Variants in OAT observed in about 807,000 individuals in gnomAD.
OAT encodes the protein ornithine aminotransferase, mitochondrial.
Under a neutral mutation model 48.4 loss-of-function variants are expected in OAT, and 35 were observed. The observed-to-expected ratio is 0.72, with a 90% CI of 0.55 to 0.96. OAT has a LOEUF of 0.96. Ranked by LOEUF, OAT falls within the 40% of genes least tolerant of loss-of-function variation. The pLI is 0.00. For synonymous variants in OAT, 182 were observed against 198.4 expected (o/e 0.92, Z 0.70); for missense variants, 438 against 537.9 (o/e 0.81, Z 1.84).
chr10:124,401,087 T>G lies in OAT; in HGVS notation c.1015-103A>C, dbSNP rs2459215. ...ACAGGAAAAACATGACTAGATAAAA[T>G]ACCAGAGGAACTTAACTTTCATTGC... On this transcript the variant is annotated intron_variant, in intron 8 of 9. Coordinates refer to ENST00000368845, the MANE Select transcript of OAT (RefSeq NM_000274.4). 653,496 of 768,146 alleles carry G rather than the reference T, an allele frequency of 0.85. 278,887 individuals are homozygous for G. The highest frequency in any genetic ancestry group is 0.96 in the East Asian group (35,158 of 36,796). The allele number at this position is 768,146 out of a possible 1,614,324, so 47.6% of individuals were successfully genotyped here. A position where few individuals can be genotyped will look rare whatever the true frequency, so the allele number is the denominator to read the frequency against.
intron 6 of OAT, chr10:124,403,269 C>T: frequency 3.3e-6 from 2 of 613,496 alleles, no homozygotes; most frequent in Non-Finnish European, 5.8e-6. Context: ...GCCACTATCT[C>T]CCTAGAGGCC....
chr10:124,400,923 T>A lies in OAT; in HGVS notation c.1076A>T (p.Glu359Val), dbSNP rs1484207367. Residue 359 changes from glutamate (E) to valine (V), a missense_variant, in exon 9 of 10, where the codon GAA becomes GTA. Transcript: ENST00000368845. ...ADKLGIILRNELMKLPSDVVT... is the reference protein window; with the variant it reads ...ADKLGIILRNVLMKLPSDVVT... Reference sequence around the variant, plus strand: ...AACATCAGAAGGTAGCTTCATGAGTTCATTTCTCAAGATAATGCCCAATTT... The same window carrying A: ...AACATCAGAAGGTAGCTTCATGAGTACATTTCTCAAGATAATGCCCAATTT... 8 of 1,609,956 alleles carry A rather than the reference T, an allele frequency of 5.0e-6. No individual in the cohort carries two copies. In the South Asian group the frequency reaches 8.8e-5, roughly 18 times the overall value.
intron 1 of OAT, among the ~76,000 whole-genome samples, chr10:124,413,615 C>T (rs1044433711): frequency 2.0e-5 from 3 of 151,984 alleles, no homozygotes; most frequent in Non-Finnish European, 4.4e-5. Flanking sequence ...CTTGGGAGGA[C>T]GAGGCTGCAG....
intron 7 of OAT, among the ~76,000 whole-genome samples, chr10:124,402,152 G>A (rs531174483): frequency 3.2e-4 from 48 of 151,976 alleles, no homozygotes; most frequent in African/African-American, 1.1e-3. Context: ...TGCCTGCCTC[G>A]GCCTCCCAAA....
At position 124,397,958 on chromosome 10, in the gene OAT, G is replaced by T. The variant is rs1951278080; in HGVS notation, c.1304C>A (p.Thr435Asn). The change falls in exon 10 of 10, where the codon ACC becomes AAC. Residue 435 changes from threonine (T) to asparagine (N), a missense_variant. Physicochemically the swap from Thr to Asn is moderately conservative, Grantham distance 65. Transcript: ENST00000368845. Reference sequence around the variant, plus strand: ...TGGCTACCCTCAGAAAGACAAGATGGTCTTGTTAATAATTTCAATGGACTC... The same window carrying T: ...TGGCTACCCTCAGAAAGACAAGATGTTCTTGTTAATAATTTCAATGGACTC... ...LRESIEIINK[T>N]ILSF 1.2e-6 allele frequency: 2 copies of T among 1,613,692 alleles called. No homozygotes were observed. The highest frequency in any genetic ancestry group is 1.7e-6 in the Non-Finnish European group (2 of 1,179,860).
intron 1 of OAT, among the ~76,000 whole-genome samples, chr10:124,413,486 C>A (rs1183662398): frequency 6.6e-6 from 1 of 152,080 alleles, no homozygotes; most frequent in Non-Finnish European, 1.5e-5. Context: ...GAGTTCGAGA[C>A]CAGCCTGACC....
Position 124,407,011 on chromosome 10 carries a change from T to C in OAT, c.521-1448A>G, listed in dbSNP as rs1203823403. On this transcript the variant is annotated intron_variant, in intron 4 of 9. Coordinates refer to ENST00000368845, the MANE Select transcript of OAT (RefSeq NM_000274.4). ...AGGTTGGGAGTTTGTGACATCATGT[T>C]TTTATCTTCTCACCACTTCTGCCAG... The C allele has an allele frequency of 1.1e-5, 11 of 985,230 alleles. No homozygotes were observed. The Admixed American group carries it at 6.8e-4, about 61-fold the overall frequency. The allele number at this position is 985,230 out of a possible 1,614,324, so 61.0% of individuals were successfully genotyped here.
intron 9 of OAT, among the ~76,000 whole-genome samples, chr10:124,400,492 C>T (rs796703531): frequency 2.0e-5 from 3 of 149,128 alleles, no homozygotes; most frequent in African/African-American, 7.4e-5. Context: ...GGTGGGCTCA[C>T]GCCTATAATC....
intron 7 of OAT, among the ~76,000 whole-genome samples, 181 bp from the exon 8 acceptor site, chr10:124,402,020 T>C (rs965865682): frequency 1.3e-5 from 2 of 149,800 alleles, no homozygotes; most frequent in African/African-American, 5.1e-5. Flanking sequence ...TAGCTAGGAT[T>C]ACAGGTGCCC....
In OAT at chr10:124,412,192, A is replaced by G; in HGVS notation, c.-21T>C. 6.2e-7 allele frequency: 1 copy of G among 1,605,556 alleles called. No homozygotes were observed. Among genetic ancestry groups the G allele is most frequent in the Non-Finnish European group, 8.5e-7 (1 of 1,174,270 alleles). On this transcript the variant is annotated 5_prime_UTR_variant, in exon 2 of 10. Transcript: ENST00000368845. Reference sequence around the variant, plus strand: ...AACATTGTGTCCTTCAAGTAGAAAAACCACAGATCTGTCCAAAGAAAAGAG... The same window carrying G: ...AACATTGTGTCCTTCAAGTAGAAAAGCCACAGATCTGTCCAAAGAAAAGAG...
At chr10:124,411,156 AAAAAAAAAGAAG>A (rs1183783920) in intron 2 of OAT, among the ~76,000 whole-genome samples, 2 of 145,586 alleles carry the variant, frequency 1.4e-5, no homozygotes, top group Non-Finnish European at 3.0e-5. Context: ...AAAAAAAAAA[AAAAAAAAAGAAG>A]AAGAGATGTC....
Position 124,408,947 on chromosome 10 carries a change from A to G in OAT, c.218T>C (p.Val73Ala). 1 of 1,613,396 alleles carries G rather than the reference A, an allele frequency of 6.2e-7. No homozygotes were observed. Among genetic ancestry groups the G allele is most frequent in the Non-Finnish European group, 8.5e-7 (1 of 1,179,328 alleles). ...ERGKGIYLWD[V>A]EGRKYFDFLS... ...GAAGTCAAAATATTTTCTGCCTTCTACATCCCATAAGTAAATACCTAAAAT... is the reference window on the plus strand; with the variant it reads ...GAAGTCAAAATATTTTCTGCCTTCTGCATCCCATAAGTAAATACCTAAAAT... The change falls in exon 3 of 10, where the codon GTA (valine) becomes GCA (alanine). Residue 73 changes from valine (V) to alanine (A), a missense_variant. Coordinates refer to ENST00000368845, the MANE Select transcript of OAT (RefSeq NM_000274.4).
chr10:124,409,474 C>T (rs190736913), intron 2 of OAT, among the ~76,000 whole-genome samples: 1 of 152,094 alleles, frequency 6.6e-6, no homozygotes, highest in Admixed American at 6.6e-5. Flanking sequence ...TTGCTTGAGC[C>T]TGGGAGGTAG....
chr10:124,400,065 T>C (rs1200141123), intron 9 of OAT, among the ~76,000 whole-genome samples: 2 of 152,222 alleles, frequency 1.3e-5, no homozygotes, highest in African/African-American at 2.4e-5. Context: ...ATACTCTTAA[T>C]ATAATTATAA....
At position 124,405,501 on chromosome 10, in the gene OAT, C is replaced by T. The variant is rs386833614; in HGVS notation, c.583G>A (p.Asp195Asn). The T allele has an allele frequency of 6.2e-7, 1 of 1,614,128 alleles. No individual in the cohort carries two copies. Among genetic ancestry groups the T allele is most frequent in the Non-Finnish European group, 8.5e-7 (1 of 1,180,000 alleles). ...ISSSTDPTSYDGFGPFMPGFD... is the reference protein window; with the variant it reads ...ISSSTDPTSYNGFGPFMPGFD... ...CCCGGCATAAATGGTCCAAAACCATCGTAACTGGTTGGGTCTGTGGAACTG... is the reference window on the plus strand; with the variant it reads ...CCCGGCATAAATGGTCCAAAACCATTGTAACTGGTTGGGTCTGTGGAACTG... Residue 195 changes from aspartate to asparagine, a missense_variant, in exon 5 of 10, where the codon GAT becomes AAT. Physicochemically the swap from Asp to Asn is conservative, Grantham distance 23. Transcript: ENST00000368845.
chr10:124,403,193 A>G (rs1951465361), intron 6 of OAT, 138 bp from the exon 7 acceptor site: 1 of 912,006 alleles, frequency 1.1e-6, no homozygotes, highest in Admixed American at 2.0e-5. Context: ...AAATGTTTTA[A>G]CTGCACACAA....
chr10:124,407,174 C>G, intron 4 of OAT: 2 of 985,406 alleles, frequency 2.0e-6, no homozygotes, highest in Non-Finnish European at 2.4e-6. Flanking sequence ...CAAAAAATAG[C>G]ACATTGATTT....
intron 2 of OAT, among the ~76,000 whole-genome samples, chr10:124,409,430 G>A (rs186733530): frequency 5.7e-4 from 87 of 152,132 alleles, no homozygotes; most frequent in African/African-American, 2.0e-3. Flanking sequence ...TAGTGCGCGC[G>A]TATGGTCCCG....
Position 124,408,957 on chromosome 10 carries a change from A to C in OAT, c.208T>G (p.Leu70Val). The change falls in exon 3 of 10, where the codon TTA becomes GTA. Residue 70 changes from leucine to valine, a missense_variant. Physicochemically the swap from Leu to Val is conservative, Grantham distance 32. Coordinates refer to ENST00000368845, the MANE Select transcript of OAT (RefSeq NM_000274.4). ...VALERGKGIY[L>V]WDVEGRKYFD... ...TATTTTCTGCCTTCTACATCCCATAAGTAAATACCTAAAATACATAAGAAA... is the reference window on the plus strand; with the variant it reads ...TATTTTCTGCCTTCTACATCCCATACGTAAATACCTAAAATACATAAGAAA... 1 of 1,610,906 alleles carries C rather than the reference A, an allele frequency of 6.2e-7. No homozygotes were observed. Among genetic ancestry groups the C allele is most frequent in the Non-Finnish European group, 8.5e-7 (1 of 1,177,096 alleles).
Sources: gnomAD v4.1 joint callset for allele counts (sites outside exome capture counted in the v4.1 genomes callset) on GRCh38, gnomAD v4.1.1 for gene constraint, MANE v1.5 for transcripts, NCBI Gene and HGNC (gene_info 2026-07-23, HGNC 2026-07-21) for gene names.